The following SLCO6A1 variants were observed in gnomAD, a reference collection of about 807,000 sequenced individuals.
The protein encoded by SLCO6A1 is solute carrier organic anion transporter family member 6A1.
SLCO6A1 carries 65 observed loss-of-function variants against 72.7 expected under a neutral mutation model. The observed-to-expected ratio is 0.89, with a 90% confidence interval of 0.73 to 1.10. The LOEUF (loss-of-function observed/expected upper bound fraction) is 1.10. Among genes scored for constraint, SLCO6A1 ranks in the 50% least tolerant of loss-of-function variants. The probability of loss-of-function intolerance (pLI) is 0.00; values close to 1 mark genes in which losing one functional copy is unlikely to be tolerated. For missense variants in SLCO6A1, 874 were observed against 872.6 expected, an observed-to-expected ratio of 1.00 and a Z score of -0.02; for synonymous variants, 314 against 298.2, an observed-to-expected ratio of 1.05 and a Z score of -0.55.
intron 1 of SLCO6A1, among the ~76,000 whole-genome samples, chr5:102,491,920 C>G (rs1436167368): frequency 1.3e-5 from 2 of 152,254 alleles, no homozygotes; most frequent in African/African-American, 2.4e-5. Flanking sequence ...AACAGTTCTG[C>G]AGGCTGTACA....
At chr5:102,399,193 C>T (rs558929207) in intron 10 of SLCO6A1, among the ~76,000 whole-genome samples, 2 of 152,086 alleles carry the variant, frequency 1.3e-5, no homozygotes, top group East Asian at 3.9e-4. Context: ...TCAAATTAAG[C>T]AATATGGATG....
At chr5:102,490,774 G>T (rs1181542354) in intron 1 of SLCO6A1, among the ~76,000 whole-genome samples, 1 of 152,066 alleles carries the variant, frequency 6.6e-6, no homozygotes, top group Non-Finnish European at 1.5e-5. Flanking sequence ...TCGTGGTCTC[G>T]CTGGCTTCAG....
At chr5:102,419,788 T>C in intron 8 of SLCO6A1, 38 bp downstream of exon 8, 1 of 1,493,762 alleles carries the variant, frequency 6.7e-7, no homozygotes, top group Non-Finnish European at 9.0e-7. Context: ...TGCTGTAGGA[T>C]TTTGATGTAA....
At chr5:102,426,855 C>T (rs1260977138) in intron 7 of SLCO6A1, among the ~76,000 whole-genome samples, 1 of 152,144 alleles carries the variant, frequency 6.6e-6, no homozygotes, top group Non-Finnish European at 1.5e-5. Context: ...ATAGCAAAGG[C>T]TTGGAAGCAA....
intron 5 of SLCO6A1, among the ~76,000 whole-genome samples, chr5:102,459,002 T>A (rs1471824665): frequency 1.3e-5 from 2 of 152,142 alleles, no homozygotes; most frequent in Non-Finnish European, 2.9e-5. Flanking sequence ...AGTCAATACA[T>A]TAAATGCTAG....
At chr5:102,478,406 T>C (rs1473331287) in intron 2 of SLCO6A1, among the ~76,000 whole-genome samples, 1 of 152,238 alleles carries the variant, frequency 6.6e-6, no homozygotes, top group Non-Finnish European at 1.5e-5. Context: ...AAGAGTACTT[T>C]CTGAGTTTAG....
chr5:102,433,871 AG>A (rs1749355838), intron 7 of SLCO6A1, among the ~76,000 whole-genome samples: 1 of 152,052 alleles, frequency 6.6e-6, no homozygotes, highest in African/African-American at 2.4e-5. Context: ...AAGACATTCC[AG>A]CTTTTTGAGT....
chr5:102,416,514 G>T (rs964714101), intron 8 of SLCO6A1, among the ~76,000 whole-genome samples: 2 of 152,036 alleles, frequency 1.3e-5, no homozygotes, highest in African/African-American at 4.8e-5. Context: ...GTCACAACTG[G>T]GAGCTAAAAC....
rs535275051 is a variant in SLCO6A1 at position 102,379,558 on chromosome 5, T to C, written c.2018-6064A>G. ...TCCCCTTCATCGTAAATTAGTTGAG[T>C]GTGCATATGAAGGTTTGTTTCTGAT... is the stretch of plus-strand genomic sequence containing the variant. On this transcript the variant is annotated intron_variant, in intron 12 of 13. Coordinates refer to ENST00000506729, the MANE Select transcript of SLCO6A1 (RefSeq NM_173488.5). 1.1e-3 allele frequency among the ~76,000 whole-genome samples: 168 copies of C among 152,242 alleles called. 1 individual carries two copies. The highest frequency in any genetic ancestry group is 2.3e-3 in the East Asian group (12 of 5,170).
chr5:102,438,012 A>C (rs951772158), intron 7 of SLCO6A1, among the ~76,000 whole-genome samples: 4 of 152,100 alleles, frequency 2.6e-5, no homozygotes, highest in Admixed American at 2.0e-4. Context: ...TTTCCCTTCA[A>C]TGTCTAAACT....
At chr5:102,381,715 C>A (rs1580322911) in intron 12 of SLCO6A1, among the ~76,000 whole-genome samples, 1 of 146,084 alleles carries the variant, frequency 6.8e-6, no homozygotes, top group East Asian at 2.0e-4. Flanking sequence ...TTTTCCACAT[C>A]CTCACCAATA....
At chr5:102,398,414 G>A (rs1277439142) in intron 10 of SLCO6A1, among the ~76,000 whole-genome samples, 2 of 152,118 alleles carry the variant, frequency 1.3e-5, no homozygotes, top group Non-Finnish European at 2.9e-5. Context: ...CTGACCTCAA[G>A]TGATCCATCC....
chr5:102,423,870 G>C (rs902725678), intron 7 of SLCO6A1, among the ~76,000 whole-genome samples: 5 of 152,094 alleles, frequency 3.3e-5, no homozygotes, highest in African/African-American at 1.2e-4. Context: ...CACATAACTA[G>C]AAGTAAAACA....
chr5:102,447,226 T>C (rs1901509), intron 6 of SLCO6A1, among the ~76,000 whole-genome samples: 17,575 of 152,236 alleles, frequency 0.12, 1,127 homozygotes, highest in Admixed American at 0.16. Flanking sequence ...TACTCAATTG[T>C]GGTGGTTTAG....
intron 9 of SLCO6A1, among the ~76,000 whole-genome samples, chr5:102,409,426 A>G (rs1747849489): frequency 2.0e-5 from 3 of 152,244 alleles, no homozygotes; most frequent in South Asian, 4.1e-4. Context: ...CATTAATAGC[A>G]TATAGGTACT....
At chr5:102,430,562 G>T (rs184811063) in intron 7 of SLCO6A1, among the ~76,000 whole-genome samples, 268 of 152,112 alleles carry the variant, frequency 1.8e-3, no homozygotes, top group Non-Finnish European at 2.9e-3. Flanking sequence ...ATGATCATGT[G>T]GTTTTCACTT....
chr5:102,434,592 C>T (rs984940565), intron 7 of SLCO6A1, among the ~76,000 whole-genome samples: 10 of 152,164 alleles, frequency 6.6e-5, no homozygotes, highest in Non-Finnish European at 1.3e-4. Flanking sequence ...TGTTAGCTTA[C>T]AGATAGGATG....
intron 12 of SLCO6A1, 129 bp downstream of exon 12, chr5:102,388,559 A>T: frequency 1.5e-6 from 1 of 652,286 alleles, no homozygotes; most frequent in Non-Finnish European, 2.4e-6. Flanking sequence ...TTTGCAGGTT[A>T]AGCCTCCTTT....
intron 12 of SLCO6A1, among the ~76,000 whole-genome samples, chr5:102,381,132 A>G (rs1336639810): frequency 2.0e-5 from 3 of 151,896 alleles, no homozygotes; most frequent in African/African-American, 7.2e-5. Flanking sequence ...CAAGTATACA[A>G]TACATTAACT....
Sources: gnomAD v4.1 joint callset for allele counts (sites outside exome capture counted in the v4.1 genomes callset) on GRCh38, gnomAD v4.1.1 for gene constraint, MANE v1.5 for transcripts, NCBI Gene and HGNC (gene_info 2026-07-23, HGNC 2026-07-21) for gene names.